The following NTRK3 variants were observed in gnomAD, a reference collection of about 807,000 sequenced individuals.
NTRK3 encodes neurotrophic receptor tyrosine kinase 3, also known as NT-3 growth factor receptor.
A neutral mutation model predicts 91.7 loss-of-function variants in NTRK3; 24 were observed. That is an observed-to-expected ratio of 0.26 (90% CI 0.19 to 0.37). NTRK3 has a LOEUF of 0.37. Among genes scored for constraint, NTRK3 ranks in the 10% least tolerant of loss-of-function variants. The pLI is 1.00. For synonymous variants in NTRK3, 483 were observed against 404.0 expected (o/e 1.20, Z -2.34); for missense variants, 880 against 1,068.9 (o/e 0.82, Z 2.46).
intron 14 of NTRK3, among the ~76,000 whole-genome samples, chr15:88,010,791 G>T (rs1184684938): frequency 6.6e-6 from 1 of 151,594 alleles, no homozygotes; most frequent in Non-Finnish European, 1.5e-5. Context: ...TATCACACTA[G>T]AAGCAACCTG....
intron 3 of NTRK3, among the ~76,000 whole-genome samples, chr15:88,188,304 T>C (rs144478849): frequency 1.2e-3 from 187 of 152,348 alleles, no homozygotes; most frequent in Non-Finnish European, 2.4e-3. Context: ...AGTCTCATAA[T>C]ACATTGGTTC....
intron 3 of NTRK3, among the ~76,000 whole-genome samples, chr15:88,198,762 G>A (rs561824686): frequency 6.6e-6 from 1 of 152,298 alleles, no homozygotes; most frequent in East Asian, 1.9e-4. Context: ...GGACCAGGTG[G>A]GCTCCAACCT....
At chr15:88,118,531 C>A (rs1346417239) in intron 13 of NTRK3, among the ~76,000 whole-genome samples, 2 of 152,150 alleles carry the variant, frequency 1.3e-5, no homozygotes, top group African/African-American at 4.8e-5. Flanking sequence ...ATAACTGGAT[C>A]AGTGAGGAAG....
chr15:88,021,681 T>C (rs182522327), intron 14 of NTRK3, among the ~76,000 whole-genome samples: 1 of 152,262 alleles, frequency 6.6e-6, no homozygotes, highest in Admixed American at 6.5e-5. Context: ...GGAAGAGCAG[T>C]TGTACTCTTG....
intron 6 of NTRK3, 80 bp from the exon 7 acceptor site, chr15:88,137,641 G>C: frequency 6.9e-7 from 1 of 1,458,970 alleles, no homozygotes; most frequent in Middle Eastern, 1.8e-4. Context: ...AGGACAAGGG[G>C]GACCCGACCT....
chr15:87,984,748 G>A (rs2074592621), intron 14 of NTRK3, among the ~76,000 whole-genome samples: 1 of 152,062 alleles, frequency 6.6e-6, no homozygotes, highest in Non-Finnish European at 1.5e-5. Flanking sequence ...CCCATTTCTA[G>A]CTTCCCTTGA....
chr15:87,901,560 G>A (rs963995517), intron 17 of NTRK3, among the ~76,000 whole-genome samples: 1 of 152,208 alleles, frequency 6.6e-6, no homozygotes, highest in African/African-American at 2.4e-5. Flanking sequence ...TTCCAAGTTT[G>A]GGAGTTGAGT....
At position 88,125,932 on chromosome 15, in the gene NTRK3, T is replaced by C. The variant is rs1426300; in HGVS notation, c.1396+339A>G. ...GTCCTCAAACTAGGAGTCCCTTTAC[T>C]CACCCGTAATGAAAATAAACCAAAG... On this transcript the variant is annotated intron_variant, in intron 13 of 18. Coordinates refer to ENST00000394480, the Ensembl canonical transcript of NTRK3. Among the ~76,000 whole-genome samples, 82,831 of 152,094 alleles carry C rather than the reference T, an allele frequency of 0.54. 23,812 individuals are homozygous for C. Among genetic ancestry groups the C allele is most frequent in the African/African-American group, 0.75 (30,957 of 41,506 alleles).
chr15:88,085,734 C>T (rs2048440408), intron 13 of NTRK3, among the ~76,000 whole-genome samples: 1 of 152,220 alleles, frequency 6.6e-6, no homozygotes, highest in Non-Finnish European at 1.5e-5. Context: ...CCCTGCCTTC[C>T]ACCTAAGACC....
At chr15:88,220,018 A>G (rs1466813430) in intron 3 of NTRK3, among the ~76,000 whole-genome samples, 2 of 152,216 alleles carry the variant, frequency 1.3e-5, no homozygotes, top group African/African-American at 4.8e-5. Flanking sequence ...CAGGAGAGAG[A>G]GCTTCAAATG....
intron 5 of NTRK3, among the ~76,000 whole-genome samples, chr15:88,181,691 T>C (rs1324012370): frequency 6.6e-6 from 1 of 152,276 alleles, no homozygotes; most frequent in African/African-American, 2.4e-5. Context: ...AGTTGAAAGG[T>C]CTTGTTTTTA....
intron 14 of NTRK3, among the ~76,000 whole-genome samples, chr15:87,968,454 G>A (rs779679008): frequency 5.3e-5 from 8 of 151,860 alleles, no homozygotes; most frequent in African/African-American, 9.7e-5. Flanking sequence ...ATATGTACAC[G>A]TTCAGAGTTT....
At chr15:88,069,580 A>G (rs748187757) in intron 13 of NTRK3, among the ~76,000 whole-genome samples, 10 of 152,176 alleles carry the variant, frequency 6.6e-5, no homozygotes, top group Non-Finnish European at 1.3e-4. Flanking sequence ...CCAATGGAAG[A>G]TGCTAAGGAG....
intron 5 of NTRK3, among the ~76,000 whole-genome samples, chr15:88,176,308 T>C (rs1422270590): frequency 7.2e-5 from 11 of 152,092 alleles, no homozygotes; most frequent in Non-Finnish European, 1.0e-4. Context: ...AGCTAATTTT[T>C]GTATTTTTAG....
chr15:87,972,628 T>C lies in NTRK3; in HGVS notation c.1586-31875A>G, dbSNP rs572464770. On this transcript the variant is annotated intron_variant, in intron 14 of 18. Coordinates refer to ENST00000394480, the Ensembl canonical transcript of NTRK3. ...ATAGGTAAATCAAAGCCTTAAATCA[T>C]CTATTTAAGAGAAGCTTTGAGAGGA... 1.6e-4 allele frequency among the ~76,000 whole-genome samples: 24 copies of C among 152,242 alleles called. No individual in the cohort carries two copies. In the East Asian group the frequency reaches 4.1e-3, roughly 26 times the overall value.
chr15:87,925,441 G>GCACACACACACACACACACA (rs61582719), intron 17 of NTRK3: 50 of 180,934 alleles, frequency 2.8e-4, no homozygotes, highest in African/African-American at 7.8e-4. Context: ...ACACGTGTAT[G>GCACACACACACACACACACA]CACACACACA....
At chr15:87,962,696 C>T (rs943060742) in intron 14 of NTRK3, among the ~76,000 whole-genome samples, 2 of 152,164 alleles carry the variant, frequency 1.3e-5, no homozygotes, top group African/African-American at 2.4e-5. Context: ...CTTTTACAGC[C>T]AGCTTCAATC....
At chr15:88,073,020 GC>G (rs1326827692) in intron 13 of NTRK3, 2 of 195,526 alleles carry the variant, frequency 1.0e-5, no homozygotes, top group African/African-American at 4.6e-5. Flanking sequence ...GAAAAATGGG[GC>G]TCAGGTAGCT....
At chr15:88,103,795 C>A (rs1223357936) in intron 13 of NTRK3, among the ~76,000 whole-genome samples, 1 of 152,122 alleles carries the variant, frequency 6.6e-6, no homozygotes, top group African/African-American at 2.4e-5. Flanking sequence ...CCCACAGAGT[C>A]CCCACCTGAA....
Sources: gnomAD v4.1 joint callset for allele counts (sites outside exome capture counted in the v4.1 genomes callset) on GRCh38, gnomAD v4.1.1 for gene constraint, MANE v1.5 for transcripts, NCBI Gene and HGNC (gene_info 2026-07-23, HGNC 2026-07-21) for gene names.